Variants in CERS5 observed in about 807,000 individuals in gnomAD.
CERS5 encodes the protein LAG1 homolog, ceramide synthase 5.
In CERS5, 37 loss-of-function variants were observed where a neutral mutation model predicts 58.9. That is an observed-to-expected ratio of 0.63 (90% confidence interval 0.48 to 0.83). CERS5 has a LOEUF of 0.83. Among genes scored for constraint, CERS5 ranks in the 40% least tolerant of loss-of-function variants. The probability of loss-of-function intolerance (pLI) is 0.00; values close to 1 mark genes in which losing one functional copy is unlikely to be tolerated. For synonymous variants in CERS5, 147 were observed against 177.8 expected (o/e 0.83, Z 1.38); for missense variants, 398 against 489.3 (o/e 0.81, Z 1.76).
intron 1 of CERS5, among the ~76,000 whole-genome samples, chr12:50,152,113 G>T (rs1362388220): frequency 2.0e-5 from 3 of 152,098 alleles, no homozygotes. Flanking sequence ...ATTCAGTTAT[G>T]GTAGAGGGTC....
intron 1 of CERS5, chr12:50,153,842 T>C (rs1938262150): frequency 2.4e-6 from 1 of 419,842 alleles, no homozygotes; most frequent in Non-Finnish European, 4.7e-6. Context: ...TAATCCCAGC[T>C]ACTTGGAAGG....
intron 1 of CERS5, among the ~76,000 whole-genome samples, chr12:50,164,367 C>G (rs934021602): frequency 3.3e-5 from 5 of 151,280 alleles, no homozygotes; most frequent in Non-Finnish European, 7.4e-5. Flanking sequence ...CCAAAGAGGT[C>G]GAGGCTGGAG....
At chr12:50,138,493 A>G in intron 5 of CERS5, 74 bp downstream of exon 5, 1 of 1,190,632 alleles carries the variant, frequency 8.4e-7, no homozygotes, top group African/African-American at 1.5e-5. Flanking sequence ...TGTCCTGGGG[A>G]CTGGCAAAGG....
chr12:50,148,304 A>G (rs566531370), intron 1 of CERS5, among the ~76,000 whole-genome samples: 1 of 152,086 alleles, frequency 6.6e-6, no homozygotes, highest in East Asian at 2.0e-4. Flanking sequence ...TCCTGTCTCA[A>G]AAATAAATAG....
At chr12:50,141,891 G>A (rs1214870281) in intron 4 of CERS5, among the ~76,000 whole-genome samples, 162 bp downstream of exon 4, 1 of 134,404 alleles carries the variant, frequency 7.4e-6, no homozygotes, top group South Asian at 2.4e-4. Context: ...AGTGAGCTGA[G>A]ATTCCACAAC....
chr12:50,132,953 T>A, intron 9 of CERS5: 1 of 1,288,926 alleles, frequency 7.8e-7, no homozygotes, highest in Non-Finnish European at 1.0e-6. Flanking sequence ...GAAGCACAGA[T>A]ACACTTACAT....
At chr12:50,154,471 G>A (rs1938351201) in intron 1 of CERS5, among the ~76,000 whole-genome samples, 1 of 152,154 alleles carries the variant, frequency 6.6e-6, no homozygotes, top group South Asian at 2.1e-4. Flanking sequence ...AGCTGTGTGA[G>A]GCCATCTTTT....
At chr12:50,140,959 T>G (rs900433245) in intron 4 of CERS5, among the ~76,000 whole-genome samples, 23 of 152,052 alleles carry the variant, frequency 1.5e-4, no homozygotes, top group Admixed American at 1.3e-3. Context: ...TTTTTGTCTA[T>G]AATATTTTGA....
chr12:50,152,417 A>G (rs914225153), intron 1 of CERS5, among the ~76,000 whole-genome samples: 5 of 152,204 alleles, frequency 3.3e-5, no homozygotes, highest in Non-Finnish European at 7.3e-5. Context: ...TATTACTTTT[A>G]TTAAATCTTG....
chr12:50,132,962 A>AAG, intron 9 of CERS5: 1 of 1,289,076 alleles, frequency 7.8e-7, no homozygotes, highest in Non-Finnish European at 1.0e-6. Context: ...ATACACTTAC[A>AAG]TGCAAGAGAT....
rs202154243 is a variant in CERS5, at chr12:50,136,094, G to A, written c.637-25C>T. ...CCTAGGAAGGAATGGAAATAGAAGAGGGAGGTAAAAGCTGGGCCCTAGAAA... is the reference window on the plus strand; with the variant it reads ...CCTAGGAAGGAATGGAAATAGAAGAAGGAGGTAAAAGCTGGGCCCTAGAAA... On this transcript the variant is annotated intron_variant, in intron 6 of 9. Transcript: ENST00000317551. 30 of 1,468,986 alleles carry A rather than the reference G, an allele frequency of 2.0e-5. 1 individual carries two copies. The highest frequency in any genetic ancestry group is 1.9e-4 in the East Asian group (8 of 41,262). The allele number at this position is 1,468,986 out of a possible 1,614,324, so 91.0% of individuals were successfully genotyped here.
At chr12:50,142,979 G>T in intron 3 of CERS5, 95 bp downstream of exon 3, 1 of 1,339,994 alleles carries the variant, frequency 7.5e-7, no homozygotes, top group Non-Finnish European at 1.0e-6. Flanking sequence ...ATTAACTGTT[G>T]TCCTAACAAC....
intron 1 of CERS5, among the ~76,000 whole-genome samples, chr12:50,156,042 G>A (rs1177052708): frequency 7.1e-6 from 1 of 141,710 alleles, no homozygotes; most frequent in East Asian, 2.2e-4. Context: ...AGAGGTTGCA[G>A]TGAGCTGAGA....
chr12:50,153,679 G>T (rs1027979340), intron 1 of CERS5: 1 of 229,718 alleles, frequency 4.4e-6, no homozygotes, highest in African/African-American at 2.4e-5. Flanking sequence ...TATAGGCCAG[G>T]CATGGTGGCT....
At chr12:50,133,589 T>C (rs1048792761) in intron 9 of CERS5, 11 of 985,214 alleles carry the variant, frequency 1.1e-5, no homozygotes, top group Non-Finnish European at 1.3e-5. Context: ...CTGCATATGA[T>C]TTCCTTTGAA....
chr12:50,133,877 G>C (rs895167372), intron 9 of CERS5: 1 of 448,078 alleles, frequency 2.2e-6, no homozygotes, highest in Non-Finnish European at 2.9e-6. Flanking sequence ...TTAGAGACCA[G>C]CCTGGCCAAC....
rs1940034130 is a variant in CERS5 at position 50,167,320 on chromosome 12, C to CGCCGCCACAAGCGTCAGCT, written c.-42_-24dup. On this transcript the variant is annotated 5_prime_UTR_variant, in exon 1 of 10. Coordinates refer to ENST00000317551, the MANE Select transcript of CERS5 (RefSeq NM_147190.5). ...CATCTTACGCCCACCCCGAAGCCAC[C>CGCCGCCACAAGCGTCAGCT]GCCGCCACAAGCGTCAGCTGCCGCC... is the stretch of plus-strand genomic sequence containing the variant. 3 of 1,463,580 alleles carry CGCCGCCACAAGCGTCAGCT rather than the reference C, an allele frequency of 2.0e-6. No individual in the cohort carries two copies. The highest frequency in any genetic ancestry group is 1.5e-5 in the African/African-American group (1 of 67,234). The allele number at this position is 1,463,580 out of a possible 1,614,324, so 90.7% of individuals were successfully genotyped here.
At chr12:50,152,902 T>C (rs1166663392) in intron 1 of CERS5, among the ~76,000 whole-genome samples, 1 of 151,970 alleles carries the variant, frequency 6.6e-6, no homozygotes, top group Non-Finnish European at 1.5e-5. Context: ...AAACCCCATC[T>C]CTACTAAAAA....
At chr12:50,141,955 A>AG (rs1438716396) in intron 4 of CERS5, 98 bp downstream of exon 4, 12 of 765,790 alleles carry the variant, frequency 1.6e-5, no homozygotes, top group South Asian at 6.8e-5. Flanking sequence ...AAAAAAAAAA[A>AG]AAAGAAAAGA....
Sources: gnomAD v4.1 joint callset for allele counts (sites outside exome capture counted in the v4.1 genomes callset) on GRCh38, gnomAD v4.1.1 for gene constraint, MANE v1.5 for transcripts, NCBI Gene and HGNC (gene_info 2026-07-23, HGNC 2026-07-21) for gene names.